TM4SF18: variants seen among roughly 807,000 people sequenced by gnomAD.
TM4SF18 encodes transmembrane 4 L six family member 18.
A neutral mutation model predicts 23.8 loss-of-function variants in TM4SF18; 22 were observed. That is an observed-to-expected ratio of 0.92 (90% confidence interval 0.66 to 1.32). TM4SF18 has a LOEUF of 1.32. Among genes scored for constraint, TM4SF18 ranks in the 40% most tolerant of loss-of-function variants. TM4SF18 has a pLI of 0.00. For synonymous variants in TM4SF18, 87 were observed against 87.9 expected, an observed-to-expected ratio of 0.99 and a Z score of 0.06; for missense variants, 255 against 240.3, an observed-to-expected ratio of 1.06 and a Z score of -0.41.
Position 149,322,920 on chromosome 3 carries a change from T to C in TM4SF18, c.411-484A>G, listed in dbSNP as rs78801704. Among the ~76,000 whole-genome samples, 27 of 151,344 alleles carry C rather than the reference T, an allele frequency of 1.8e-4. No homozygotes were observed. In the South Asian group the frequency reaches 5.7e-3, roughly 32 times the overall value. On this transcript the variant is annotated intron_variant, in intron 4 of 5. Transcript: ENST00000296059. ...GGCCTCCAGACTTTTTTTTTTTTTT[T>C]TGAGACGGAGTCTTGCTCTGTCGCC...
intron 4 of TM4SF18, among the ~76,000 whole-genome samples, chr3:149,323,058 G>A (rs1216154203): frequency 2.0e-5 from 3 of 151,852 alleles, no homozygotes; most frequent in African/African-American, 7.3e-5. Flanking sequence ...CACCACGCCC[G>A]GCTAATTTTT....
rs542748063 is a variant in TM4SF18 at position 149,322,503 on chromosome 3, T to C, written c.411-67A>G. 98 of 1,377,640 alleles carry C rather than the reference T, an allele frequency of 7.1e-5. No individual in the cohort carries two copies. The South Asian group carries it at 1.3e-3, about 18-fold the overall frequency. 85.3% of individuals were successfully genotyped at this position (1,377,640 alleles called of 1,614,324 possible). On this transcript the variant is annotated intron_variant, in intron 4 of 5. Transcript: ENST00000296059. ...GAAGAAAGCTACAAGCATTTGTATGTTTGAGAAATTACTGTATAACTAAAA... is the reference window on the plus strand; with the variant it reads ...GAAGAAAGCTACAAGCATTTGTATGCTTGAGAAATTACTGTATAACTAAAA...
intron 2 of TM4SF18, among the ~76,000 whole-genome samples, chr3:149,330,680 A>G (rs76288086): frequency 6.6e-6 from 1 of 152,212 alleles, no homozygotes; most frequent in South Asian, 2.1e-4. Flanking sequence ...AGCTATTATT[A>G]TCATGGTTAG....
rs73869761 is a variant in TM4SF18, at chr3:149,333,159, C to A, written c.177+47G>T. 898 of 1,521,350 alleles carry A rather than the reference C, an allele frequency of 5.9e-4. 5 individuals are homozygous for A. The African/African-American group carries it at 0.011, about 19-fold the overall frequency. 94.2% of individuals were successfully genotyped at this position (1,521,350 alleles called of 1,614,324 possible). Reference sequence around the variant, plus strand: ...CTTCTACTAGTTACAAGGTAAGTCTCAATTACAACTCCCCCTTCTCTCCCA... The same window carrying A: ...CTTCTACTAGTTACAAGGTAAGTCTAAATTACAACTCCCCCTTCTCTCCCA... On this transcript the variant is annotated intron_variant, in intron 2 of 5. Coordinates refer to ENST00000296059, the MANE Select transcript of TM4SF18 (RefSeq NM_138786.4).
chr3:149,324,769 A>T lies in TM4SF18; in HGVS notation c.410+111T>A, dbSNP rs1029886583. 5 of 1,411,862 alleles carry T rather than the reference A, an allele frequency of 3.5e-6. No individual in the cohort carries two copies. The African/African-American group carries it at 4.3e-5, about 12-fold the overall frequency. The allele number at this position is 1,411,862 out of a possible 1,614,324, so 87.5% of individuals were successfully genotyped here. A position where few individuals can be genotyped will look rare whatever the true frequency, so the allele number is the denominator to read the frequency against. Reference sequence around the variant, plus strand: ...AAACTAACAGGGAAATTCTGCACTAAAACAGCCACATGGAACCCCAAAGTG... The same window carrying T: ...AAACTAACAGGGAAATTCTGCACTATAACAGCCACATGGAACCCCAAAGTG... On this transcript the variant is annotated intron_variant, in intron 4 of 5. Coordinates refer to ENST00000296059, the MANE Select transcript of TM4SF18 (RefSeq NM_138786.4).
chr3:149,323,981 A>G (rs796493434), intron 4 of TM4SF18, among the ~76,000 whole-genome samples: 89 of 152,344 alleles, frequency 5.8e-4, no homozygotes, highest in African/African-American at 2.0e-3. Flanking sequence ...CAGCTCTGCC[A>G]TGTAGGCCTA....
At position 149,322,286 on chromosome 3, in the gene TM4SF18, T is replaced by C; in HGVS notation, c.561A>G (p.Ile187Met). Residue 187 changes from isoleucine to methionine, a missense_variant, in exon 5 of 6, where the codon ATA becomes ATG. Physicochemically the swap from Ile to Met is conservative, Grantham distance 10 (BLOSUM62 1). Coordinates refer to ENST00000296059, the MANE Select transcript of TM4SF18 (RefSeq NM_138786.4). ...AGATCACTGAATAGCTTCCACACAG[T>C]ATCTTGGATAGTTGCATGACTACTC... ...LIRVVMQLSKILCGSYSVIFQ... is the reference protein window; with the variant it reads ...LIRVVMQLSKMLCGSYSVIFQ... The C allele has an allele frequency of 6.2e-7, 1 of 1,613,662 alleles. No homozygotes were observed. Among genetic ancestry groups the C allele is most frequent in the South Asian group, 1.1e-5 (1 of 90,970 alleles).
rs183060109 is a variant in TM4SF18 at position 149,321,416 on chromosome 3, C to G, written c.*62G>C. 2 of 1,280,858 alleles carry G rather than the reference C, an allele frequency of 1.6e-6. No homozygotes were observed. Among genetic ancestry groups the G allele is most frequent in the East Asian group, 2.5e-5 (1 of 40,798 alleles). 79.3% of individuals were successfully genotyped at this position (1,280,858 alleles called of 1,614,324 possible). On this transcript the variant is annotated 3_prime_UTR_variant, in exon 6 of 6. Transcript: ENST00000296059. ...TTTCAATATTGCCCTCAAGTCTACA[C>G]AGTTGATATAATATTTAGATAGATG...
chr3:149,321,368 A>T lies in TM4SF18; in HGVS notation c.*110T>A, dbSNP rs1343843938. On this transcript the variant is annotated 3_prime_UTR_variant, in exon 6 of 6. Transcript: ENST00000296059. ...GACTGCAAATTTTTTACAAATAAACACCAAATGCAGAAAGCACCATCATTT... is the reference window on the plus strand; with the variant it reads ...GACTGCAAATTTTTTACAAATAAACTCCAAATGCAGAAAGCACCATCATTT... 1.3e-6 allele frequency: 1 copy of T among 797,056 alleles called. No homozygotes were observed. Among genetic ancestry groups the T allele is most frequent in the Non-Finnish European group, 1.9e-6 (1 of 527,434 alleles). 49.4% of individuals were successfully genotyped at this position (797,056 alleles called of 1,614,324 possible).
chr3:149,324,129 C>G (rs892201139), intron 4 of TM4SF18, among the ~76,000 whole-genome samples: 2 of 152,140 alleles, frequency 1.3e-5, no homozygotes, highest in Non-Finnish European at 2.9e-5. Context: ...TTCTGGACCT[C>G]TTCTGTATTT....
intron 3 of TM4SF18, among the ~76,000 whole-genome samples, chr3:149,326,231 T>C (rs890363510): frequency 2.0e-5 from 3 of 152,200 alleles, no homozygotes; most frequent in African/African-American, 4.8e-5. Flanking sequence ...GCCTTTTTGT[T>C]TTTTGGGGTG....
At chr3:149,331,952 T>C (rs2108363534) in intron 2 of TM4SF18, among the ~76,000 whole-genome samples, 1 of 152,350 alleles carries the variant, frequency 6.6e-6, no homozygotes, top group South Asian at 2.1e-4. Flanking sequence ...AAGATGCTTC[T>C]TCTAGTTATT....
intron 4 of TM4SF18, among the ~76,000 whole-genome samples, chr3:149,323,486 A>G (rs1730861859): frequency 6.6e-6 from 1 of 152,226 alleles, no homozygotes; most frequent in African/African-American, 2.4e-5. Context: ...TGTTGCAGGA[A>G]GTCGGGGACC....
Position 149,319,974 on chromosome 3 carries a change from G to C in TM4SF18, c.*1504C>G, listed in dbSNP as rs1272094666. On this transcript the variant is annotated 3_prime_UTR_variant, in exon 6 of 6. Coordinates refer to ENST00000296059, the MANE Select transcript of TM4SF18 (RefSeq NM_138786.4). ...CAGTCAGCTGGGCCCAGAGCATGAA[G>C]GTCATGCGGTGTATAACATGGCTTG... 1 of 152,286 alleles carries C rather than the reference G, an allele frequency of 6.6e-6. No homozygotes were observed. The highest frequency in any genetic ancestry group is 1.5e-5 in the Non-Finnish European group (1 of 68,078). 9.4% of individuals were successfully genotyped at this position (152,286 alleles called of 1,614,324 possible). A position where few individuals can be genotyped will look rare whatever the true frequency, so the allele number is the denominator to read the frequency against.
chr3:149,330,278 G>T, intron 3 of TM4SF18, 52 bp downstream of exon 3: 1 of 1,265,582 alleles, frequency 7.9e-7, no homozygotes, highest in Non-Finnish European at 1.1e-6. Context: ...TGAGTGAGAG[G>T]AAAGAAAGCT....
chr3:149,332,050 T>C (rs998391628), intron 2 of TM4SF18, among the ~76,000 whole-genome samples: 72 of 152,182 alleles, frequency 4.7e-4, no homozygotes, highest in African/African-American at 1.7e-3. Context: ...TGATGAGATG[T>C]AGGATTACTG....
chr3:149,324,804 A>T, intron 4 of TM4SF18, 76 bp downstream of exon 4: 1 of 1,585,456 alleles, frequency 6.3e-7, no homozygotes, highest in Non-Finnish European at 8.6e-7. Flanking sequence ...GATCATGGAA[A>T]ATGAGCGTGA....
At chr3:149,326,341 G>A (rs186723337) in intron 3 of TM4SF18, among the ~76,000 whole-genome samples, 8 of 152,232 alleles carry the variant, frequency 5.3e-5, no homozygotes, top group African/African-American at 9.6e-5. Context: ...ACATTTTAGC[G>A]AGAATACTTA....
Position 149,322,311 on chromosome 3 carries a change from C to A in TM4SF18, c.536G>T (p.Arg179Ile), listed in dbSNP as rs376244263. 6 of 1,613,966 alleles carry A rather than the reference C, an allele frequency of 3.7e-6. No individual in the cohort carries two copies. The East Asian group carries it at 8.9e-5, about 24-fold the overall frequency. ...TATCTTGGATAGTTGCATGACTACT[C>A]TGATGAGGCAGATGATCACTTGAAG... ...SGLQVIICLI[R>I]VVMQLSKILC... is the part of the protein sequence containing the mutation. Residue 179 changes from arginine (R) to isoleucine (I), a missense_variant, in exon 5 of 6, where the codon AGA becomes ATA. Transcript: ENST00000296059.
Sources: gnomAD v4.1 joint callset for allele counts (sites outside exome capture counted in the v4.1 genomes callset) on GRCh38, gnomAD v4.1.1 for gene constraint, MANE v1.5 for transcripts, NCBI Gene and HGNC (gene_info 2026-07-23, HGNC 2026-07-21) for gene names.